Variants in LARGE1 observed in about 807,000 individuals in gnomAD.
LARGE1 encodes the protein xylosyl- and glucuronyltransferase LARGE1.
A neutral mutation model predicts 87.6 loss-of-function variants in LARGE1; 43 were observed. That is an observed-to-expected ratio of 0.49 (90% CI 0.38 to 0.63). The LOEUF (loss-of-function observed/expected upper bound fraction) is 0.63, where lower values mean the gene tolerates loss of function less well. Ranked by LOEUF, LARGE1 falls within the 30% of genes least tolerant of loss-of-function variation. LARGE1 has a pLI of 0.00. For synonymous variants in LARGE1, 434 were observed against 394.6 expected (o/e 1.10, Z -1.18); for missense variants, 802 against 1,000.2 (o/e 0.80, Z 2.67).
At chr22:33,777,749 G>A (rs1430371726) in intron 1 of LARGE1, among the ~76,000 whole-genome samples, 1 of 151,954 alleles carries the variant, frequency 6.6e-6, no homozygotes, top group Non-Finnish European at 1.5e-5. Context: ...GAGGGAGGAA[G>A]GAAGGACTAA....
intron 1 of LARGE1, among the ~76,000 whole-genome samples, chr22:33,805,584 A>G (rs533660108): frequency 1.6e-4 from 25 of 152,116 alleles, no homozygotes; most frequent in African/African-American, 5.8e-4. Context: ...AATACAAAAA[A>G]TTAGCTGGGC....
At chr22:33,784,497 T>C (rs2145922165) in intron 1 of LARGE1, among the ~76,000 whole-genome samples, 2 of 152,290 alleles carry the variant, frequency 1.3e-5, no homozygotes, top group Non-Finnish European at 2.9e-5. Flanking sequence ...TACTAACTTC[T>C]CGCTTAAATT....
chr22:33,638,423 C>T (rs187307941), intron 3 of LARGE1, among the ~76,000 whole-genome samples: 30 of 152,202 alleles, frequency 2.0e-4, no homozygotes, highest in Admixed American at 1.1e-3. Flanking sequence ...GGAACGATTA[C>T]CTCATGGGGC....
intron 1 of LARGE1, among the ~76,000 whole-genome samples, chr22:33,767,035 C>T (rs2084930240): frequency 1.3e-5 from 2 of 148,656 alleles, no homozygotes. Context: ...AAAAATTGGC[C>T]AGGCACAGTG....
At chr22:33,900,507 T>G (rs1226242884) in intron 1 of LARGE1, among the ~76,000 whole-genome samples, 1 of 152,206 alleles carries the variant, frequency 6.6e-6, no homozygotes, top group Non-Finnish European at 1.5e-5. Flanking sequence ...TGCTTTCTCA[T>G]TAACTTGTGT....
chr22:33,293,046 A>C (rs1377384879), intron 12 of LARGE1, among the ~76,000 whole-genome samples: 1 of 152,210 alleles, frequency 6.6e-6, no homozygotes, highest in Non-Finnish European at 1.5e-5. Context: ...GTAGGGAGGG[A>C]GGAAGACAGA....
the LARGE1 span, among the ~76,000 whole-genome samples, chr22:33,141,188 T>TCACA: frequency 6.8e-6 from 1 of 146,332 alleles, no homozygotes; most frequent in African/African-American, 2.7e-5. Context: ...TCTCTCTCTC[T>TCACA]CTCTCTCACA....
At position 33,694,204 on chromosome 22, in the gene LARGE1, G is replaced by C. The variant is rs537756736; in HGVS notation, c.107-43536C>G. ...GTGGACTGGCTACAGTAATATTAGAGATACTCCCCACCTTTTCATAACACA... is the reference window on the plus strand; with the variant it reads ...GTGGACTGGCTACAGTAATATTAGACATACTCCCCACCTTTTCATAACACA... On this transcript the variant is annotated intron_variant, in intron 2 of 14. Coordinates refer to ENST00000397394, the MANE Select transcript of LARGE1 (RefSeq NM_133642.5). 4.6e-5 allele frequency among the ~76,000 whole-genome samples: 7 copies of C among 152,330 alleles called. No homozygotes were observed. In the South Asian group the frequency reaches 8.3e-4, roughly 18 times the overall value.
intron 9 of LARGE1, among the ~76,000 whole-genome samples, chr22:33,360,617 T>C (rs1305982194): frequency 6.7e-6 from 1 of 149,370 alleles, no homozygotes; most frequent in East Asian, 1.9e-4. Flanking sequence ...ACCCCCATGA[T>C]CCAAGCACCT....
chr22:33,103,531 G>A, the LARGE1 span, among the ~76,000 whole-genome samples: 1 of 151,496 alleles, frequency 6.6e-6, no homozygotes, highest in African/African-American at 2.4e-5. Flanking sequence ...TCTCAGGTTG[G>A]TCACTGAGGA....
chr22:33,591,706 T>C (rs1048163916), intron 5 of LARGE1, among the ~76,000 whole-genome samples: 2 of 151,678 alleles, frequency 1.3e-5, no homozygotes, highest in African/African-American at 4.8e-5. Context: ...GCTTTTTATG[T>C]CTTATTTAAG....
intron 3 of LARGE1, among the ~76,000 whole-genome samples, chr22:33,649,141 C>T (rs1440873536): frequency 6.6e-6 from 1 of 152,186 alleles, no homozygotes; most frequent in Non-Finnish European, 1.5e-5. Flanking sequence ...TCCACCAATC[C>T]ACTTTTCAAC....
rs576256479 is a variant in LARGE1 at position 33,487,327 on chromosome 22, C to A, written c.788-55062G>T. On this transcript the variant is annotated intron_variant, in intron 6 of 14. Coordinates refer to ENST00000397394, the MANE Select transcript of LARGE1 (RefSeq NM_133642.5). ...GAGTTGGAAAGCTGCTTCCTGTCCT[C>A]ATCACAGGTCTGCTGAATTCCCTGA... Among the ~76,000 whole-genome samples, 135 of 152,280 alleles carry A rather than the reference C, an allele frequency of 8.9e-4. 6 individuals are homozygous for A. The South Asian group carries it at 0.027, about 30-fold the overall frequency.
chr22:33,418,021 C>A (rs2066563263), intron 7 of LARGE1, among the ~76,000 whole-genome samples: 1 of 152,270 alleles, frequency 6.6e-6, no homozygotes, highest in Non-Finnish European at 1.5e-5. Context: ...AATCTCAGCT[C>A]ACTGCAACCT....
chr22:33,136,926 T>C, the LARGE1 span, among the ~76,000 whole-genome samples: 1 of 126,042 alleles, frequency 7.9e-6, no homozygotes, highest in Non-Finnish European at 1.8e-5. Context: ...GAACCACAAA[T>C]ATTAAGGTAA....
intron 2 of LARGE1, among the ~76,000 whole-genome samples, chr22:33,756,801 T>A (rs1260631269): frequency 6.6e-6 from 1 of 151,872 alleles, no homozygotes; most frequent in African/African-American, 2.4e-5. Flanking sequence ...TTAGTCCTGA[T>A]CACAAAGGAG....
chr22:33,453,287 C>T (rs369218194), intron 6 of LARGE1, among the ~76,000 whole-genome samples: 120 of 152,068 alleles, frequency 7.9e-4, no homozygotes, highest in Middle Eastern at 6.8e-3. Flanking sequence ...TGGTGGTGCA[C>T]GCCTGTAATC....
chr22:33,503,324 T>C (rs1462468853), intron 6 of LARGE1, among the ~76,000 whole-genome samples: 56 of 149,650 alleles, frequency 3.7e-4, no homozygotes, highest in Non-Finnish European at 7.3e-4. Context: ...TGGTGCGATC[T>C]CGGCTCACTG....
At chr22:33,711,260 G>A (rs1033385790) in intron 2 of LARGE1, among the ~76,000 whole-genome samples, 5 of 152,174 alleles carry the variant, frequency 3.3e-5, no homozygotes, top group African/African-American at 4.8e-5. Context: ...CTGGAGCGAA[G>A]CGTCCAGGGG....
Sources: allele counts gnomAD v4.1 joint callset (sites outside exome capture counted in the v4.1 genomes callset), GRCh38; gene constraint gnomAD v4.1.1; transcripts MANE v1.5; gene names NCBI Gene and HGNC (gene_info 2026-07-23, HGNC 2026-07-21).